LINGO2: variants seen among roughly 807,000 people sequenced by gnomAD.
LINGO2 encodes the protein leucine-rich repeat and immunoglobulin-like domain-containing nogo receptor-interacting protein 2.
A neutral mutation model predicts 30.6 loss-of-function variants in LINGO2; 14 were observed. That is an observed-to-expected ratio of 0.46 (90% CI 0.30 to 0.72). The LOEUF is 0.72. Ranked by LOEUF, LINGO2 falls within the 30% of genes least tolerant of loss-of-function variation. LINGO2 has a pLI of 0.07. For missense variants in LINGO2, 729 were observed against 751.7 expected (o/e 0.97, Z 0.35); for synonymous variants, 317 against 288.5 (o/e 1.10, Z -1.00).
chr9:27,951,076 G>T (rs774664581), intron 5 of LINGO2, among the ~76,000 whole-genome samples: 4 of 152,132 alleles, frequency 2.6e-5, no homozygotes, highest in Non-Finnish European at 2.9e-5. Context: ...AAAGAAACAG[G>T]TCAACAGCTA....
the LINGO2 span, among the ~76,000 whole-genome samples, chr9:29,032,958 A>G: frequency 6.6e-6 from 1 of 152,144 alleles, no homozygotes; most frequent in Admixed American, 6.6e-5. Flanking sequence ...TTAAACCAAT[A>G]TGAGGACTAG....
At chr9:28,054,943 T>C (rs1396144895) in intron 4 of LINGO2, among the ~76,000 whole-genome samples, 1 of 152,098 alleles carries the variant, frequency 6.6e-6, no homozygotes, top group Non-Finnish European at 1.5e-5. Flanking sequence ...AAAGCTACAG[T>C]CTTCTTTCCT....
intron 2 of LINGO2, among the ~76,000 whole-genome samples, chr9:28,426,079 C>A (rs10968587): frequency 0.13 from 19,281 of 151,906 alleles, 1,422 homozygotes; most frequent in East Asian, 0.24. Flanking sequence ...TTACTGAAAT[C>A]AGCTACTTAA....
intron 4 of LINGO2, among the ~76,000 whole-genome samples, chr9:28,167,134 A>G (rs1296389059): frequency 8.4e-6 from 1 of 119,186 alleles, no homozygotes; most frequent in Admixed American, 9.8e-5. Context: ...TTTACTTAAT[A>G]TAGCACCCCC....
chr9:28,596,555 A>T (rs972470829), intron 1 of LINGO2, among the ~76,000 whole-genome samples: 5 of 152,162 alleles, frequency 3.3e-5, no homozygotes, highest in African/African-American at 1.2e-4. Flanking sequence ...TCTAATTGCT[A>T]TATAGATTGT....
intron 1 of LINGO2, among the ~76,000 whole-genome samples, chr9:28,632,877 TATGTAGAGAGAGAGAG>T (rs1827060901): frequency 9.9e-5 from 9 of 90,730 alleles, no homozygotes; most frequent in African/African-American, 2.7e-4. Flanking sequence ...TATATATATA[TATGTAGAGAGAGAGAG>T]AGAGAGAGAG....
chr9:28,324,679 C>G (rs995833077), intron 3 of LINGO2, among the ~76,000 whole-genome samples: 1 of 152,096 alleles, frequency 6.6e-6, no homozygotes, highest in African/African-American at 2.4e-5. Flanking sequence ...ATGGCAACAT[C>G]AGGAAGTTAC....
At chr9:29,176,944 C>T in the LINGO2 span, among the ~76,000 whole-genome samples, 2 of 152,040 alleles carry the variant, frequency 1.3e-5, no homozygotes, top group East Asian at 1.9e-4. Context: ...TAAGCAACAC[C>T]GAAAAGGATT....
At chr9:28,292,504 C>A (rs1315252054) in intron 4 of LINGO2, among the ~76,000 whole-genome samples, 1 of 152,050 alleles carries the variant, frequency 6.6e-6, no homozygotes, top group Admixed American at 6.6e-5. Context: ...GCTCTGTCAC[C>A]CAGGCTGGAG....
the LINGO2 span, among the ~76,000 whole-genome samples, chr9:28,872,122 A>G: frequency 3.3e-5 from 5 of 152,034 alleles, no homozygotes; most frequent in African/African-American, 1.2e-4. Flanking sequence ...AACTAGAGAG[A>G]AAGAAACCTT....
At chr9:28,434,549 A>T (rs1823840415) in intron 2 of LINGO2, among the ~76,000 whole-genome samples, 2 of 147,634 alleles carry the variant, frequency 1.4e-5, no homozygotes, top group African/African-American at 5.0e-5. Context: ...AAAAAAAAAT[A>T]CTGGAGATGG....
At chr9:28,662,146 A>G (rs1025970198) in intron 1 of LINGO2, among the ~76,000 whole-genome samples, 2 of 152,160 alleles carry the variant, frequency 1.3e-5, no homozygotes, top group African/African-American at 4.8e-5. Flanking sequence ...CATGTGGAAC[A>G]TGCACTCAGA....
At chr9:28,037,225 A>T (rs915602908) in intron 4 of LINGO2, among the ~76,000 whole-genome samples, 3 of 152,212 alleles carry the variant, frequency 2.0e-5, no homozygotes, top group Non-Finnish European at 4.4e-5. Flanking sequence ...GCCTAGTTAT[A>T]CAAACAGTAG....
the LINGO2 span, among the ~76,000 whole-genome samples, chr9:28,949,233 C>G: frequency 6.6e-6 from 1 of 151,886 alleles, no homozygotes; most frequent in Non-Finnish European, 1.5e-5. Flanking sequence ...CAAAAGCTAG[C>G]AGAAGACAAG....
At chr9:28,498,388 C>T (rs1363887594) in intron 1 of LINGO2, among the ~76,000 whole-genome samples, 1 of 152,210 alleles carries the variant, frequency 6.6e-6, no homozygotes, top group Admixed American at 6.5e-5. Flanking sequence ...TCGCTGCTGC[C>T]TTGCAGTTAG....
intron 5 of LINGO2, among the ~76,000 whole-genome samples, chr9:27,998,715 A>G (rs1221605028): frequency 6.6e-6 from 1 of 152,156 alleles, no homozygotes. Flanking sequence ...AGGGAAGTGG[A>G]GGTTGCAGTG....
At chr9:28,963,365 C>G in the LINGO2 span, among the ~76,000 whole-genome samples, 2 of 151,758 alleles carry the variant, frequency 1.3e-5, no homozygotes, top group Non-Finnish European at 2.9e-5. Flanking sequence ...GATAAGTTTC[C>G]TATCATGTGA....
At chr9:28,408,570 T>C (rs2134791289) in intron 2 of LINGO2, among the ~76,000 whole-genome samples, 1 of 141,270 alleles carries the variant, frequency 7.1e-6, no homozygotes, top group East Asian at 2.1e-4. Context: ...AATTGAACAA[T>C]GAGAACACAT....
chr9:28,785,929 G>T, the LINGO2 span, among the ~76,000 whole-genome samples: 1 of 152,016 alleles, frequency 6.6e-6, no homozygotes, highest in East Asian at 1.9e-4. Context: ...TAATTCAATG[G>T]GTGTCTAAAT....
Sources: gnomAD v4.1 joint callset for allele counts (sites outside exome capture counted in the v4.1 genomes callset) on GRCh38, gnomAD v4.1.1 for gene constraint, MANE v1.5 for transcripts, NCBI Gene and HGNC (gene_info 2026-07-23, HGNC 2026-07-21) for gene names.